The following BMX variants were observed in gnomAD, a reference collection of about 807,000 sequenced individuals.
BMX encodes BMX non-receptor tyrosine kinase.
BMX carries 31 observed loss-of-function variants against 59.2 expected under a neutral mutation model. The observed-to-expected ratio is 0.52, with a 90% CI of 0.39 to 0.71. BMX has a LOEUF of 0.71. Among genes scored for constraint, BMX ranks in the 30% least tolerant of loss-of-function variants. The pLI is 0.00. For missense variants in BMX, 474 were observed against 491.7 expected (o/e 0.96, Z 0.34); for synonymous variants, 185 against 181.0 (o/e 1.02, Z -0.18).
intron 11 of BMX, 63 bp downstream of exon 11, chrX:15,531,470 A>C: frequency 5.3e-6 from 5 of 935,164 alleles, no homozygotes; most frequent in Non-Finnish European, 7.6e-6. Context: ...TATGCTGGTC[A>C]CAATCACATT....
At chrX:15,516,058 T>C (rs772796264) in intron 4 of BMX, 54 bp from the exon 5 acceptor site, 4 of 1,190,281 alleles carry the variant, frequency 3.4e-6, no homozygotes, top group African/African-American at 1.8e-5. Context: ...TGAATGTTTC[T>C]CCTCTTGGAT....
At chrX:15,544,838 T>C (rs1246686238) in intron 16 of BMX, among the ~76,000 whole-genome samples, 1 of 111,333 alleles carries the variant, frequency 9.0e-6, no homozygotes, top group Non-Finnish European at 1.9e-5. Flanking sequence ...TGTAATCCTA[T>C]GAAAGTGTAG....
chrX:15,512,971 A>G (rs1215586407), intron 4 of BMX, among the ~76,000 whole-genome samples: 5 of 111,644 alleles, frequency 4.5e-5, no homozygotes, highest in Non-Finnish European at 9.4e-5. Context: ...AAGAGCAGAG[A>G]AAGAAGCAAA....
chrX:15,543,782 A>G (rs955258338), intron 16 of BMX, among the ~76,000 whole-genome samples: 6 of 111,762 alleles, frequency 5.4e-5, no homozygotes, highest in African/African-American at 2.0e-4. Flanking sequence ...GCATTCTACC[A>G]CCACTTAATG....
intron 1 of BMX, among the ~76,000 whole-genome samples, chrX:15,506,457 T>C (rs1360493445): frequency 1.8e-5 from 2 of 112,225 alleles, no homozygotes; most frequent in African/African-American, 6.5e-5. Flanking sequence ...CACAGTTTTC[T>C]CCTTCTGCTT....
chrX:15,513,924 A>T (rs1444955041), intron 4 of BMX, among the ~76,000 whole-genome samples: 1 of 111,983 alleles, frequency 8.9e-6, no homozygotes, highest in Non-Finnish European at 1.9e-5. Flanking sequence ...GCTACCCCTC[A>T]GGTTCTTGAA....
chrX:15,502,201 G>C (rs1342488443), intron 1 of BMX, among the ~76,000 whole-genome samples: 1 of 111,599 alleles, frequency 9.0e-6, no homozygotes, highest in Non-Finnish European at 1.9e-5. Context: ...AGATTCCATA[G>C]AGACAGAGCA....
intron 6 of BMX, among the ~76,000 whole-genome samples, chrX:15,521,983 T>C (rs981952903): frequency 1.8e-5 from 2 of 111,816 alleles, no homozygotes; most frequent in Non-Finnish European, 3.8e-5. Flanking sequence ...AAAATAATTC[T>C]GCTATGAACA....
chrX:15,511,333 T>C, intron 3 of BMX, 104 bp from the exon 4 acceptor site: 2 of 605,570 alleles, frequency 3.3e-6, no homozygotes, highest in Non-Finnish European at 5.2e-6. Context: ...GTATACTGTA[T>C]AAGCAAACTC....
chrX:15,536,773 C>T (rs898301214), intron 13 of BMX, among the ~76,000 whole-genome samples: 5 of 110,846 alleles, frequency 4.5e-5, no homozygotes, highest in African/African-American at 6.6e-5. Flanking sequence ...ACATCCACTG[C>T]GATCACAGTT....
rs935748207 is a variant in BMX at position 15,525,971 on chromosome X, T to C, written c.831-71T>C. On this transcript the variant is annotated intron_variant, in intron 8 of 18. Coordinates refer to ENST00000348343, the MANE Select transcript of BMX (RefSeq NM_203281.3). Reference sequence around the variant, plus strand: ...GATAAAATCAGGGTGGGATTTGATATTGCATGGCTACGCACTTGGATTATT... The same window carrying C: ...GATAAAATCAGGGTGGGATTTGATACTGCATGGCTACGCACTTGGATTATT... 26 of 929,407 alleles carry C rather than the reference T, an allele frequency of 2.8e-5. No individual in the cohort carries two copies. The African/African-American group carries it at 3.7e-4, about 13-fold the overall frequency. The allele number at this position is 929,407 out of a possible 1,213,427, so 76.6% of individuals were successfully genotyped here.
chrX:15,548,092 T>G (rs1033620854), intron 17 of BMX, among the ~76,000 whole-genome samples: 5 of 111,846 alleles, frequency 4.5e-5, no homozygotes, highest in African/African-American at 1.6e-4. Flanking sequence ...AGAAAAAAAA[T>G]CACAAAGATA....
intron 1 of BMX, among the ~76,000 whole-genome samples, chrX:15,501,782 G>A (rs1602317949): frequency 9.0e-6 from 1 of 111,365 alleles, no homozygotes; most frequent in South Asian, 3.8e-4. Flanking sequence ...CAGTCAATAA[G>A]GGTATGGTTC....
intron 14 of BMX, among the ~76,000 whole-genome samples, chrX:15,541,780 TA>T (rs1440895698): frequency 3.6e-5 from 4 of 111,422 alleles, no homozygotes; most frequent in Non-Finnish European, 7.5e-5. Flanking sequence ...CAATGTCTGA[TA>T]TGAGGCAGAA....
At position 15,556,023 on chromosome X, in the gene BMX, T is replaced by C. The variant is rs1569233440; in HGVS notation, c.1954-50T>C. 8 of 1,071,896 alleles carry C rather than the reference T, an allele frequency of 7.5e-6. No individual in the cohort carries two copies. In the Admixed American group the frequency reaches 1.3e-4, roughly 17 times the overall value. 88.3% of individuals were successfully genotyped at this position (1,071,896 alleles called of 1,213,427 possible). On this transcript the variant is annotated intron_variant, in intron 18 of 18. Transcript: ENST00000348343. ...AATATTTTATATATTTTATCATTGA[T>C]CATAACTCTCATCATCTAAAACATT... is the stretch of plus-strand genomic sequence containing the variant.
intron 11 of BMX, among the ~76,000 whole-genome samples, chrX:15,533,277 A>C (rs150995407): frequency 9.0e-6 from 1 of 111,599 alleles, no homozygotes; most frequent in African/African-American, 3.3e-5. Flanking sequence ...TCTTGTAGAG[A>C]TTATTTCATC....
intron 17 of BMX, 143 bp from the exon 18 acceptor site, chrX:15,549,697 C>A: frequency 1.5e-6 from 1 of 655,139 alleles, no homozygotes; most frequent in Non-Finnish European, 2.2e-6. Context: ...CTGCTCATTT[C>A]GCTGGGACTC....
Position 15,556,414 on chromosome X carries a change from G to A in BMX, c.*267G>A, listed in dbSNP as rs990659394. On this transcript the variant is annotated 3_prime_UTR_variant, in exon 19 of 19. Transcript: ENST00000348343. ...ATTTTCAGACTGCAATATAGAGACT[G>A]TGTTCATGTGTAAAGACTGAGCAGA... 4.4e-6 allele frequency: 1 copy of A among 229,626 alleles called. No individual in the cohort carries two copies. Among genetic ancestry groups the A allele is most frequent in the African/African-American group, 2.9e-5 (1 of 34,732 alleles). The allele number at this position is 229,626 out of a possible 1,213,427, so 18.9% of individuals were successfully genotyped here. A position where few individuals can be genotyped will look rare whatever the true frequency, so the allele number is the denominator to read the frequency against.
At chrX:15,519,052 G>A (rs1802618445) in intron 6 of BMX, among the ~76,000 whole-genome samples, 1 of 111,725 alleles carries the variant, frequency 9.0e-6, no homozygotes, top group African/African-American at 3.3e-5. Flanking sequence ...CGAAGTACAG[G>A]CTACTGCTGT....
Sources: gnomAD v4.1 joint callset for allele counts (sites outside exome capture counted in the v4.1 genomes callset) on GRCh38, gnomAD v4.1.1 for gene constraint, MANE v1.5 for transcripts, NCBI Gene and HGNC (gene_info 2026-07-23, HGNC 2026-07-21) for gene names.